Variants in PAPPA observed in about 807,000 individuals in gnomAD.
PAPPA encodes pappalysin-1.
PAPPA carries 60 observed loss-of-function variants against 164.0 expected under a neutral mutation model. The ratio of observed to expected loss-of-function variants is 0.37; its 90% CI spans 0.30 to 0.45. PAPPA has a LOEUF of 0.45. PAPPA is among the 20% of genes least tolerant of loss of function. The pLI is 1.00. For synonymous variants in PAPPA, 875 were observed against 814.1 expected (o/e 1.07, Z -1.27); for missense variants, 1,782 against 2,087.3 (o/e 0.85, Z 2.85).
intron 9 of PAPPA, among the ~76,000 whole-genome samples, chr9:116,291,862 G>A (rs1324248235): frequency 1.3e-5 from 2 of 151,504 alleles, no homozygotes; most frequent in Non-Finnish European, 2.9e-5. Flanking sequence ...ATTTAAAATA[G>A]TGAATACTAC....
intron 10 of PAPPA, among the ~76,000 whole-genome samples, chr9:116,326,675 G>A (rs893894273): frequency 6.6e-6 from 1 of 152,154 alleles, no homozygotes; most frequent in Non-Finnish European, 1.5e-5. Flanking sequence ...TTACTGCAGA[G>A]TCCTAGAACT....
chr9:116,363,461 A>G (rs1378010159), intron 18 of PAPPA, among the ~76,000 whole-genome samples: 1 of 152,208 alleles, frequency 6.6e-6, no homozygotes, highest in Non-Finnish European at 1.5e-5. Flanking sequence ...AGAAGAGACA[A>G]GCTGGGATTG....
At position 116,235,152 on chromosome 9, in the gene PAPPA, T is replaced by C. The variant is rs374885577; in HGVS notation, c.2247T>C (p.Val749=). The C allele has an allele frequency of 5.0e-6, 8 of 1,614,046 alleles. No individual in the cohort carries two copies. The highest frequency in any genetic ancestry group is 6.8e-6 in the Non-Finnish European group (8 of 1,180,018). Reference sequence around the variant, plus strand: ...TCTTCTGCATAGGTCATCCTGATGTTGAACAGCCCTGTAAGTCCAGTGTCC... The same window carrying C: ...TCTTCTGCATAGGTCATCCTGATGTCGAACAGCCCTGTAAGTCCAGTGTCC... ...SPREAEGHPD[V]EQPCKSSVRT... The change falls in exon 7 of 22, where the codon GTT becomes GTC. Residue 749 remains valine, a synonymous_variant. Transcript: ENST00000328252.
intron 1 of PAPPA, among the ~76,000 whole-genome samples, chr9:116,178,300 G>T (rs1463291449): frequency 6.6e-6 from 1 of 152,026 alleles, no homozygotes; most frequent in Non-Finnish European, 1.5e-5. Flanking sequence ...TAGAGACAGG[G>T]TTTCATCATG....
Position 116,398,796 on chromosome 9 carries a change from G to C in PAPPA, c.*2180G>C. Reference sequence around the variant, plus strand: ...CAAAACCATATCTCATTTATATCCAGACCATTACTTCACTATAATTACAAG... The same window carrying C: ...CAAAACCATATCTCATTTATATCCACACCATTACTTCACTATAATTACAAG... On this transcript the variant is annotated 3_prime_UTR_variant, in exon 22 of 22. Transcript: ENST00000328252. The C allele has an allele frequency of 2.4e-6, 1 of 414,712 alleles. No individual in the cohort carries two copies. Among genetic ancestry groups the C allele is most frequent in the Non-Finnish European group, 4.8e-6 (1 of 207,842 alleles). 25.7% of individuals were successfully genotyped at this position (414,712 alleles called of 1,614,324 possible). A position where few individuals can be genotyped will look rare whatever the true frequency, so the allele number is the denominator to read the frequency against.
intron 7 of PAPPA, among the ~76,000 whole-genome samples, chr9:116,251,285 A>T (rs1844857096): frequency 6.6e-6 from 1 of 152,168 alleles, no homozygotes; most frequent in Non-Finnish European, 1.5e-5. Context: ...TTGAGGGGAA[A>T]TGTAGTTTGC....
At chr9:116,180,099 C>T (rs1843885604) in intron 1 of PAPPA, among the ~76,000 whole-genome samples, 1 of 152,092 alleles carries the variant, frequency 6.6e-6, no homozygotes, top group Admixed American at 6.5e-5. Context: ...CAGGGGGAAC[C>T]AAGGCTGGGA....
chr9:116,180,283 A>G (rs892489537), intron 1 of PAPPA, among the ~76,000 whole-genome samples: 1 of 152,206 alleles, frequency 6.6e-6, no homozygotes, highest in African/African-American at 2.4e-5. Context: ...TAGAGCCTTC[A>G]TGGTGGATTG....
At chr9:116,182,502 G>A (rs1639158867) in intron 1 of PAPPA, among the ~76,000 whole-genome samples, 2 of 152,160 alleles carry the variant, frequency 1.3e-5, no homozygotes, top group Admixed American at 6.5e-5. Context: ...TGGTGCCTGG[G>A]TGGCATGGGG....
intron 1 of PAPPA, among the ~76,000 whole-genome samples, chr9:116,177,677 T>C (rs1843853348): frequency 6.6e-6 from 1 of 152,158 alleles, no homozygotes; most frequent in Non-Finnish European, 1.5e-5. Context: ...CCAGGCTTGA[T>C]GAGTGAGTGG....
At chr9:116,376,340 T>C (rs1454651669) in intron 19 of PAPPA, among the ~76,000 whole-genome samples, 1 of 152,228 alleles carries the variant, frequency 6.6e-6, no homozygotes, top group Non-Finnish European at 1.5e-5. Flanking sequence ...ATTTTTATGG[T>C]AACTGTATTC....
chr9:116,362,814 T>C, intron 18 of PAPPA, 75 bp downstream of exon 18: 1 of 1,428,524 alleles, frequency 7.0e-7, no homozygotes, highest in South Asian at 1.3e-5. Flanking sequence ...CCTGGGTGGG[T>C]CATTGAACAC....
At chr9:116,202,450 A>G (rs1289651361) in intron 2 of PAPPA, among the ~76,000 whole-genome samples, 1 of 152,146 alleles carries the variant, frequency 6.6e-6, no homozygotes, top group Non-Finnish European at 1.5e-5. Context: ...TGGCTTTGAA[A>G]TGCAGTTCTG....
chr9:116,292,406 A>C (rs1448308361), intron 9 of PAPPA, among the ~76,000 whole-genome samples: 1 of 152,180 alleles, frequency 6.6e-6, no homozygotes, highest in Non-Finnish European at 1.5e-5. Context: ...GGTGGTAATG[A>C]TAGAACAAAT....
chr9:116,364,469 A>G (rs1846472921), intron 18 of PAPPA, among the ~76,000 whole-genome samples: 1 of 152,180 alleles, frequency 6.6e-6, no homozygotes, highest in South Asian at 2.1e-4. Context: ...GCTCATGCCT[A>G]ACACCTACAC....
chr9:116,206,052 C>A (rs1844231454), intron 2 of PAPPA, among the ~76,000 whole-genome samples: 1 of 152,158 alleles, frequency 6.6e-6, no homozygotes, highest in South Asian at 2.1e-4. Flanking sequence ...CGTTCTCTTC[C>A]CTGACGACAG....
At chr9:116,236,816 C>T (rs115508469) in intron 7 of PAPPA, among the ~76,000 whole-genome samples, 2,490 of 152,190 alleles carry the variant, frequency 0.016, 67 homozygotes, top group African/African-American at 0.054. Flanking sequence ...AAAACTGGGG[C>T]TTAGAGATGT....
At chr9:116,302,135 C>T (rs1190620812) in intron 9 of PAPPA, among the ~76,000 whole-genome samples, 1 of 152,136 alleles carries the variant, frequency 6.6e-6, no homozygotes, top group Non-Finnish European at 1.5e-5. Context: ...ATCTCAGTTT[C>T]CTCATCTGGA....
chr9:116,307,751 A>G (rs1242068091), intron 10 of PAPPA, among the ~76,000 whole-genome samples: 1 of 152,110 alleles, frequency 6.6e-6, no homozygotes, highest in Non-Finnish European at 1.5e-5. Context: ...CATGGCCGTT[A>G]ATGAGGTGAA....
Sources: allele counts gnomAD v4.1 joint callset (sites outside exome capture counted in the v4.1 genomes callset), GRCh38; gene constraint gnomAD v4.1.1; transcripts MANE v1.5; gene names NCBI Gene and HGNC (gene_info 2026-07-23, HGNC 2026-07-21).